The following FAHD2B variants were observed in gnomAD, a reference collection of about 807,000 sequenced individuals.
The protein encoded by FAHD2B is oxaloacetate tautomerase FAHD2B, mitochondrial.
A neutral mutation model predicts 33.7 loss-of-function variants in FAHD2B; 26 were observed. The observed-to-expected ratio is 0.77, with a 90% CI of 0.57 to 1.07. FAHD2B has a LOEUF of 1.07. Among genes scored for constraint, FAHD2B ranks in the 50% least tolerant of loss-of-function variants. FAHD2B has a pLI of 0.00. For synonymous variants in FAHD2B, 108 were observed against 150.9 expected (o/e 0.72, Z 2.08); for missense variants, 272 against 388.1 (o/e 0.70, Z 2.51).
intron 2 of FAHD2B, 74 bp downstream of exon 2, chr2:97,091,789 A>G: frequency 6.5e-7 from 1 of 1,540,294 alleles, no homozygotes; most frequent in Non-Finnish European, 8.8e-7. Context: ...TCCTAGGGCT[A>G]TAGCCCAAGG....
chr2:97,092,114 G>C (rs1172099954), intron 1 of FAHD2B, 126 bp from the exon 2 acceptor site: 1 of 161,832 alleles, frequency 6.2e-6, no homozygotes, highest in Admixed American at 6.1e-5. Context: ...ATGGTCAGGG[G>C]CTCTACCCTT....
At chr2:97,080,480 G>C (rs530398733), downstream of FAHD2B, among the ~76,000 whole-genome samples, 16 of 152,120 alleles carry the variant, frequency 1.1e-4, no homozygotes, top group East Asian at 3.1e-3. Context: ...TGCTGCTTTG[G>C]TTACTGTAGA....
chr2:97,093,535 C>T (rs542716595), intron 1 of FAHD2B, among the ~76,000 whole-genome samples: 2 of 138,732 alleles, frequency 1.4e-5, no homozygotes, highest in Non-Finnish European at 3.0e-5. Context: ...AGTGCAGTGG[C>T]GCAATCTTGG....
At chr2:97,086,281 T>C in intron 4 of FAHD2B, 83 bp from the exon 5 acceptor site, 1 of 1,554,530 alleles carries the variant, frequency 6.4e-7, no homozygotes, top group Non-Finnish European at 8.7e-7. Flanking sequence ...CATGGATCTC[T>C]GTCAGTATGG....
rs2031766215 is a variant in FAHD2B, at chr2:97,083,814, C to T, written c.886G>A (p.Gly296Arg). 1.2e-6 allele frequency: 2 copies of T among 1,614,150 alleles called. No homozygotes were observed. The highest frequency in any genetic ancestry group is 1.3e-5 in the African/African-American group (1 of 75,062). ...TCAATCTCACACTGGACTTCATCCC[C>T]CTTCTGCAACAGAGCAGGCCATGAC... ...FRKPPVFLKK[G>R]DEVQCEIEEL... Residue 296 changes from glycine (G) to arginine (R), a missense_variant, in exon 9 of 9, where the codon GGG (glycine) becomes AGG (arginine). Transcript: ENST00000414820.
rs576107978 is a variant in FAHD2B, at chr2:97,084,271, T to G, written c.692A>C (p.His231Pro). ...CACTCGGCAGCAGATCTTTAAGTTG[T>G]GTGGATCTGAAATGCAAAGATGGAA... ...LVTKDSVADP[H>P]NLKICCRVNG... The change falls in exon 7 of 9, where the codon CAC becomes CCC. Residue 231 changes from histidine to proline, a missense_variant. Transcript: ENST00000414820. 6.2e-7 allele frequency: 1 copy of G among 1,613,544 alleles called. No homozygotes were observed. The highest frequency in any genetic ancestry group is 1.1e-5 in the South Asian group (1 of 90,960).
In FAHD2B at chr2:97,085,835, G is replaced by A. The variant is rs747343820; in HGVS notation, c.549C>T (p.Ala183=). ...IKATDAMAHV[A]GFTVAHDVSA... The stretch of plus-strand genomic sequence containing the variant: ...TCACGTCATGAGCCACAGTGAAGCC[G>A]GCCACGTGGGCCATGGCATCTGTGG... Residue 183 remains alanine, a synonymous_variant, in exon 6 of 9, where the codon GCC becomes GCT. Transcript: ENST00000414820. The A allele has an allele frequency of 9.3e-6, 15 of 1,613,744 alleles. No homozygotes were observed. Among genetic ancestry groups the A allele is most frequent in the South Asian group, 6.6e-5 (6 of 91,004 alleles).
At chr2:97,080,257 C>G (rs1180406282), downstream of FAHD2B, among the ~76,000 whole-genome samples, 1 of 152,052 alleles carries the variant, frequency 6.6e-6, no homozygotes, top group Non-Finnish European at 1.5e-5. Context: ...TCATCTTCAG[C>G]TGATTTTTTT....
intron 6 of FAHD2B, among the ~76,000 whole-genome samples, 165 bp from the exon 7 acceptor site, chr2:97,084,442 T>C (rs2031827215): frequency 6.6e-6 from 1 of 152,020 alleles, no homozygotes; most frequent in South Asian, 2.1e-4. Context: ...GTATAGACAC[T>C]GGCCTTCTCA....
At chr2:97,087,694 C>CAAAAG (rs1353862427) in intron 4 of FAHD2B, among the ~76,000 whole-genome samples, 2 of 151,902 alleles carry the variant, frequency 1.3e-5, no homozygotes, top group African/African-American at 4.8e-5. Flanking sequence ...GACTCCATCA[C>CAAAAG]AAAAGAAAAG....
intron 4 of FAHD2B, chr2:97,086,772 A>G (rs971796024): frequency 1.9e-5 from 3 of 154,290 alleles, no homozygotes; most frequent in Admixed American, 6.4e-5. Context: ...CAGAGTTGGT[A>G]TAAGTACACC....
chr2:97,084,360 G>A (rs2031818893), intron 6 of FAHD2B, 83 bp from the exon 7 acceptor site: 21 of 1,525,988 alleles, frequency 1.4e-5, no homozygotes, highest in African/African-American at 4.1e-5. Flanking sequence ...CTGTAGGGGC[G>A]CTTCGTGACT....
At chr2:97,087,417 G>A (rs951865782) in intron 4 of FAHD2B, among the ~76,000 whole-genome samples, 1 of 152,066 alleles carries the variant, frequency 6.6e-6, no homozygotes, top group African/African-American at 2.4e-5. Context: ...ATTGTTCTTG[G>A]CCGGGTGCAG....
At chr2:97,091,768 A>G in intron 2 of FAHD2B, 56 bp from the exon 3 acceptor site, 2 of 1,565,158 alleles carry the variant, frequency 1.3e-6, no homozygotes, top group Non-Finnish European at 1.7e-6. Context: ...CATCATCAGC[A>G]TCCCTGATAT....
chr2:97,089,838 G>A (rs181999471), intron 4 of FAHD2B: 12 of 534,382 alleles, frequency 2.2e-5, no homozygotes, highest in Non-Finnish European at 3.4e-5. Context: ...TTAATATTCC[G>A]AGCCATGGGC....
At chr2:97,092,747 G>T (rs1337058610) in intron 1 of FAHD2B, among the ~76,000 whole-genome samples, 1 of 151,874 alleles carries the variant, frequency 6.6e-6, no homozygotes, top group East Asian at 1.9e-4. Context: ...GAGGTGGGTG[G>T]ATCACTTGAG....
intron 4 of FAHD2B, among the ~76,000 whole-genome samples, chr2:97,088,435 A>G (rs1321328412): frequency 6.6e-6 from 1 of 152,048 alleles, no homozygotes; most frequent in Non-Finnish European, 1.5e-5. Context: ...ATAGTTTTAA[A>G]AACGGGAGTT....
At chr2:97,080,331 CAT>C (rs2031598529), downstream of FAHD2B, among the ~76,000 whole-genome samples, 1 of 152,060 alleles carries the variant, frequency 6.6e-6, no homozygotes, top group African/African-American at 2.4e-5. Context: ...TTCCCAGCAC[CAT>C]TTATTAGAGA....
intron 6 of FAHD2B, 61 bp from the exon 7 acceptor site, chr2:97,084,338 T>C (rs1477559326): frequency 1.9e-6 from 3 of 1,599,614 alleles, no homozygotes; most frequent in Non-Finnish European, 2.6e-6. Flanking sequence ...CCCCAGTGTT[T>C]TACAAACACA....
Sources: gnomAD v4.1 joint callset for allele counts (sites outside exome capture counted in the v4.1 genomes callset) on GRCh38, gnomAD v4.1.1 for gene constraint, MANE v1.5 for transcripts, NCBI Gene and HGNC (gene_info 2026-07-23, HGNC 2026-07-21) for gene names.